PSD3: variants seen among roughly 807,000 people sequenced by gnomAD.
PSD3 encodes PH and SEC7 domain-containing protein 3.
In PSD3, 49 loss-of-function variants were observed where a neutral mutation model predicts 105.5. The ratio of observed to expected loss-of-function variants is 0.46; its 90% CI spans 0.37 to 0.59. PSD3 has a LOEUF of 0.59. Ranked by LOEUF, PSD3 falls within the 20% of genes least tolerant of loss-of-function variation. The pLI is 0.00. For missense variants in PSD3, 1,561 were observed against 1,263.8 expected, an observed-to-expected ratio of 1.24 and a Z score of -3.57; for synonymous variants, 557 against 457.8, an observed-to-expected ratio of 1.22 and a Z score of -2.77.
chr8:19,044,150 T>C lies in PSD3; in HGVS notation c.324+40056A>G, dbSNP rs139817557. Reference sequence around the variant, plus strand: ...TGAGCTCTACGAATCTGCTTTTCGTTTTCAGGACCTTTCCATTTGGCTCCT... The same window carrying C: ...TGAGCTCTACGAATCTGCTTTTCGTCTTCAGGACCTTTCCATTTGGCTCCT... On this transcript the variant is annotated intron_variant, in intron 1 of 1. Coordinates refer to the PSD3 transcript ENST00000521475. 1.5e-4 allele frequency among the ~76,000 whole-genome samples: 23 copies of C among 152,364 alleles called. No individual in the cohort carries two copies. The East Asian group carries it at 4.2e-3, about 28-fold the overall frequency.
intron 2 of PSD3, among the ~76,000 whole-genome samples, chr8:18,927,405 G>A (rs1357372833): frequency 1.3e-5 from 2 of 152,016 alleles, no homozygotes; most frequent in South Asian, 4.2e-4. Context: ...GGAGAGACAG[G>A]GTTTCATCAC....
intron 8 of PSD3, among the ~76,000 whole-genome samples, chr8:18,796,494 C>T (rs1223564889): frequency 1.3e-5 from 2 of 152,216 alleles, no homozygotes; most frequent in Non-Finnish European, 2.9e-5. Context: ...GGGATTTCAA[C>T]ATGTCACATT....
intron 2 of PSD3, 55 bp downstream of exon 2, chr8:18,935,979 A>C: frequency 8.6e-7 from 1 of 1,164,688 alleles, no homozygotes; most frequent in East Asian, 2.4e-5. Flanking sequence ...AATCACTTTG[A>C]AATCACAGCT....
rs151260416 is a variant in PSD3, at chr8:18,649,211, C to T, written c.2216+6431G>A. ...ACCTGGAAAAGCCATAGGCACTCAA[C>T]GCCAGCCCATGAGAGCAACCGCAGG... On this transcript the variant is annotated intron_variant, in intron 10 of 15. Coordinates refer to ENST00000327040, the MANE Select transcript of PSD3 (RefSeq NM_015310.4). Among the ~76,000 whole-genome samples the T allele has an allele frequency of 1.5e-3, 235 of 152,324 alleles. 2 individuals are homozygous for T. Among genetic ancestry groups the T allele is most frequent in the African/African-American group, 5.4e-3 (224 of 41,572 alleles).
chr8:18,911,333 G>A (rs1820208046), intron 2 of PSD3, among the ~76,000 whole-genome samples: 2 of 152,218 alleles, frequency 1.3e-5, no homozygotes, highest in Non-Finnish European at 2.9e-5. Context: ...CTACTTTCAA[G>A]GAAAGTTAGC....
intron 9 of PSD3, among the ~76,000 whole-genome samples, chr8:18,680,893 C>T (rs1448228314): frequency 1.3e-5 from 2 of 152,116 alleles, no homozygotes; most frequent in South Asian, 2.1e-4. Context: ...AAAAGCAAAA[C>T]TTCTAATCCT....
At chr8:19,043,174 A>C (rs1490838410) in intron 1 of PSD3, among the ~76,000 whole-genome samples, 1 of 152,240 alleles carries the variant, frequency 6.6e-6, no homozygotes, top group Non-Finnish European at 1.5e-5. Flanking sequence ...ATCAGGCCAT[A>C]TCTTGCCAAA....
At chr8:18,900,891 C>T (rs1819460313) in intron 2 of PSD3, among the ~76,000 whole-genome samples, 2 of 152,118 alleles carry the variant, frequency 1.3e-5, no homozygotes, top group Admixed American at 1.3e-4. Flanking sequence ...GCAGATACAA[C>T]ACTCAAGCTC....
intron 1 of PSD3, among the ~76,000 whole-genome samples, chr8:18,973,605 C>T (rs1002283488): frequency 1.3e-5 from 2 of 152,168 alleles, no homozygotes; most frequent in East Asian, 1.9e-4. Flanking sequence ...ACAGTCAGCA[C>T]ACTATGGGTT....
chr8:18,701,109 G>T (rs1348554664), intron 9 of PSD3, among the ~76,000 whole-genome samples: 1 of 150,110 alleles, frequency 6.7e-6, no homozygotes, highest in Non-Finnish European at 1.5e-5. Flanking sequence ...GAGACCACAG[G>T]TGTGTGCCAA....
intron 1 of PSD3, among the ~76,000 whole-genome samples, chr8:19,071,083 G>A (rs977333952): frequency 2.0e-5 from 3 of 151,304 alleles, no homozygotes; most frequent in Non-Finnish European, 4.4e-5. Context: ...TAGGGGGGTT[G>A]GAGTCTTGTA....
At chr8:18,626,791 T>G (rs568537950) in intron 11 of PSD3, among the ~76,000 whole-genome samples, 5 of 152,138 alleles carry the variant, frequency 3.3e-5, no homozygotes, top group African/African-American at 1.2e-4. Flanking sequence ...TGATTGAAAA[T>G]CCAACAAATG....
chr8:18,990,692 T>G (rs1220111003), intron 1 of PSD3, among the ~76,000 whole-genome samples: 2 of 152,212 alleles, frequency 1.3e-5, no homozygotes, highest in African/African-American at 2.4e-5. Context: ...AATTGAAATT[T>G]TTTAAAACAG....
At chr8:19,082,299 C>T (rs1368752306) in intron 1 of PSD3, among the ~76,000 whole-genome samples, 1 of 152,166 alleles carries the variant, frequency 6.6e-6, no homozygotes, top group African/African-American at 2.4e-5. Context: ...ACCTCTGACT[C>T]CATGGGTTCC....
chr8:18,921,964 C>A (rs1440147125), intron 2 of PSD3, among the ~76,000 whole-genome samples: 1 of 152,176 alleles, frequency 6.6e-6, no homozygotes, highest in Non-Finnish European at 1.5e-5. Context: ...TACATGAAAT[C>A]TCCCAGTTTT....
At chr8:18,760,695 T>C (rs909681883) in intron 9 of PSD3, among the ~76,000 whole-genome samples, 1 of 152,222 alleles carries the variant, frequency 6.6e-6, no homozygotes, top group Non-Finnish European at 1.5e-5. Context: ...AAGGTTATTC[T>C]ACAGAGTGAA....
rs139907108 is a variant in PSD3, at chr8:18,601,678, A to G, written c.2411-1244T>C. 4.4e-3 allele frequency among the ~76,000 whole-genome samples: 663 copies of G among 152,320 alleles called. 6 individuals carry two copies. The highest frequency in any genetic ancestry group is 0.015 in the African/African-American group (603 of 41,554). On this transcript the variant is annotated intron_variant, in intron 11 of 15. Transcript: ENST00000327040. ...CTAGGTGAGGCTTAAAGGTATACTA[A>G]AAATACATATAACCAAAAAAAAGCA...
At chr8:18,871,415 C>T (rs890786517) in intron 3 of PSD3, among the ~76,000 whole-genome samples, 38 of 152,182 alleles carry the variant, frequency 2.5e-4, no homozygotes, top group Non-Finnish European at 3.2e-4. Context: ...CCATGCCTAA[C>T]GGATGACTTT....
intron 4 of PSD3, among the ~76,000 whole-genome samples, chr8:18,829,492 G>C (rs1813507488): frequency 6.6e-6 from 1 of 152,134 alleles, no homozygotes; most frequent in Non-Finnish European, 1.5e-5. Flanking sequence ...CAACGCCCTA[G>C]CATGCTGTTC....
Sources: gnomAD v4.1 joint callset for allele counts (sites outside exome capture counted in the v4.1 genomes callset) on GRCh38, gnomAD v4.1.1 for gene constraint, MANE v1.5 for transcripts, NCBI Gene and HGNC (gene_info 2026-07-23, HGNC 2026-07-21) for gene names.